The following SEMA3D variants were observed in gnomAD, a reference collection of about 807,000 sequenced individuals.
SEMA3D encodes semaphorin-3D.
A neutral mutation model predicts 100.1 loss-of-function variants in SEMA3D; 84 were observed. The ratio of observed to expected loss-of-function variants is 0.84; its 90% CI spans 0.70 to 1.01. The LOEUF (loss-of-function observed/expected upper bound fraction) is 1.01. Among genes scored for constraint, SEMA3D ranks in the 50% least tolerant of loss-of-function variants. The pLI is 0.00. For synonymous variants in SEMA3D, 312 were observed against 320.7 expected (o/e 0.97, Z 0.29); for missense variants, 875 against 934.1 (o/e 0.94, Z 0.82).
At chr7:85,095,538 CAA>C (rs1340029399) in intron 4 of SEMA3D, among the ~76,000 whole-genome samples, 1 of 152,040 alleles carries the variant, frequency 6.6e-6, no homozygotes. Flanking sequence ...GTTTCCTCCG[CAA>C]AAGAGTTTGG....
chr7:85,241,378 G>T, the SEMA3D span, among the ~76,000 whole-genome samples: 2 of 150,326 alleles, frequency 1.3e-5, no homozygotes. Flanking sequence ...GCACAAGCTT[G>T]TTTATAGTAG....
the SEMA3D span, among the ~76,000 whole-genome samples, chr7:85,220,143 A>G: frequency 1.3e-5 from 2 of 152,084 alleles, no homozygotes; most frequent in African/African-American, 4.8e-5. Flanking sequence ...AAGGTATCAT[A>G]TTCAAATACA....
At chr7:85,147,758 T>C (rs11767150) in intron 2 of SEMA3D, among the ~76,000 whole-genome samples, 30,946 of 152,164 alleles carry the variant, frequency 0.2, 3,270 homozygotes, top group East Asian at 0.26. Flanking sequence ...TAATTTATTG[T>C]TTTCTGATCT....
intron 15 of SEMA3D, among the ~76,000 whole-genome samples, chr7:85,017,239 T>C (rs1341995041): frequency 1.3e-5 from 2 of 151,792 alleles, no homozygotes; most frequent in Admixed American, 6.6e-5. Context: ...CTTTCAGTTA[T>C]CTTTCCCTGT....
chr7:85,201,115 T>C, the SEMA3D span, among the ~76,000 whole-genome samples: 1 of 152,214 alleles, frequency 6.6e-6, no homozygotes, highest in Non-Finnish European at 1.5e-5. Flanking sequence ...GTTTTATTCA[T>C]AAATGTCTGT....
intron 17 of SEMA3D, among the ~76,000 whole-genome samples, chr7:85,012,141 T>G (rs890772086): frequency 1.1e-4 from 17 of 151,890 alleles, no homozygotes; most frequent in African/African-American, 4.1e-4. Flanking sequence ...TCTTCTATTC[T>G]GTGATTAATT....
intron 18 of SEMA3D, among the ~76,000 whole-genome samples, chr7:85,003,972 T>C (rs1789725313): frequency 6.6e-6 from 1 of 152,142 alleles, no homozygotes; most frequent in East Asian, 1.9e-4. Flanking sequence ...CTTATTTATT[T>C]TACTTCTAAG....
chr7:85,092,844 A>G (rs1485365729), intron 4 of SEMA3D, among the ~76,000 whole-genome samples: 1 of 152,226 alleles, frequency 6.6e-6, no homozygotes, highest in Non-Finnish European at 1.5e-5. Flanking sequence ...ATATTAAATC[A>G]TGAATCGAGA....
the SEMA3D span, among the ~76,000 whole-genome samples, chr7:85,208,280 GTC>G: frequency 3.3e-5 from 5 of 151,790 alleles, no homozygotes; most frequent in Admixed American, 2.6e-4. Context: ...AAATTTAAAC[GTC>G]TCTGAATGCC....
chr7:85,196,769 C>T, the SEMA3D span, among the ~76,000 whole-genome samples: 3 of 151,956 alleles, frequency 2.0e-5, no homozygotes, highest in African/African-American at 7.3e-5. Context: ...CAAGGAAATG[C>T]AAATAAAAAC....
intron 14 of SEMA3D, among the ~76,000 whole-genome samples, chr7:85,019,397 C>CT (rs756894381): frequency 2.0e-5 from 3 of 151,646 alleles, no homozygotes; most frequent in Non-Finnish European, 4.4e-5. Context: ...AGGTCTTGTT[C>CT]TTGTTAACTC....
intron 2 of SEMA3D, chr7:85,141,665 T>G: frequency 1.0e-6 from 1 of 982,908 alleles, no homozygotes; most frequent in Non-Finnish European, 1.2e-6. Context: ...AAGAACATGT[T>G]CCTTTTGGGC....
At position 84,996,016 on chromosome 7, in the gene SEMA3D, A is replaced by T. The variant is rs770693039; in HGVS notation, c.*3424T>A. 4 of 151,228 alleles carry T rather than the reference A, an allele frequency of 2.6e-5. No homozygotes were observed. The highest frequency in any genetic ancestry group is 5.9e-5 in the Non-Finnish European group (4 of 67,700). The allele number at this position is 151,228 out of a possible 1,614,324, so 9.4% of individuals were successfully genotyped here. ...GTTTGTTTCTAAATTATCCATTCCC[A>T]ATAAGGTTAACCAATTCCAAAATGT... On this transcript the variant is annotated 3_prime_UTR_variant, in exon 19 of 19. Transcript: ENST00000284136.
intron 1 of SEMA3D, among the ~76,000 whole-genome samples, chr7:85,185,442 A>G (rs968915949): frequency 9.2e-5 from 14 of 152,116 alleles, no homozygotes; most frequent in Admixed American, 4.6e-4. Flanking sequence ...TTGCTTGTGC[A>G]AATAGCACTA....
the SEMA3D span, among the ~76,000 whole-genome samples, chr7:85,224,329 C>T: frequency 6.6e-6 from 1 of 152,158 alleles, no homozygotes; most frequent in Non-Finnish European, 1.5e-5. Flanking sequence ...ATCTTGAAGT[C>T]CTGAGGCCAA....
At chr7:85,209,979 G>C in the SEMA3D span, among the ~76,000 whole-genome samples, 1 of 151,900 alleles carries the variant, frequency 6.6e-6, no homozygotes, top group Non-Finnish European at 1.5e-5. Context: ...ATAACTCCTG[G>C]GACTACCACA....
At chr7:85,181,355 C>CAA (rs1562847482) in intron 1 of SEMA3D, among the ~76,000 whole-genome samples, 15 of 124,226 alleles carry the variant, frequency 1.2e-4, no homozygotes, top group South Asian at 3.1e-4. Context: ...CACACACACA[C>CAA]ACACACATGC....
intron 18 of SEMA3D, among the ~76,000 whole-genome samples, chr7:85,002,813 C>T (rs1272575244): frequency 6.6e-6 from 1 of 151,864 alleles, no homozygotes; most frequent in Non-Finnish European, 1.5e-5. Flanking sequence ...ATTCATCTAA[C>T]ATGAGAAGAG....
chr7:85,235,025 T>A, the SEMA3D span, among the ~76,000 whole-genome samples: 2 of 152,096 alleles, frequency 1.3e-5, no homozygotes, highest in African/African-American at 4.8e-5. Context: ...GACACAGGTG[T>A]GTATGTCATT....
Sources: gnomAD v4.1 joint callset for allele counts (sites outside exome capture counted in the v4.1 genomes callset) on GRCh38, gnomAD v4.1.1 for gene constraint, MANE v1.5 for transcripts, NCBI Gene and HGNC (gene_info 2026-07-23, HGNC 2026-07-21) for gene names.